PTTG1IP2: variants seen among roughly 807,000 people sequenced by gnomAD.
PTTG1IP2 encodes PTTG1IP family member 2.
At chr7:90,477,490 C>CT (rs1234427439) in intron 1 of PTTG1IP2, among the ~76,000 whole-genome samples, 1 of 152,176 alleles carries the variant, frequency 6.6e-6, no homozygotes, top group Non-Finnish European at 1.5e-5. Flanking sequence ...AGCCAAAACT[C>CT]TTTTTCCATC....
At chr7:90,496,397 T>C (rs933282757) in intron 6 of PTTG1IP2, among the ~76,000 whole-genome samples, 2 of 152,192 alleles carry the variant, frequency 1.3e-5, no homozygotes, top group Admixed American at 6.5e-5. Flanking sequence ...TAGGAATGTA[T>C]TCATTTCTTC....
chr7:90,505,148 G>T (rs1317358412), intron 6 of PTTG1IP2, among the ~76,000 whole-genome samples: 1 of 152,156 alleles, frequency 6.6e-6, no homozygotes. Flanking sequence ...TATTCAATAA[G>T]AACACATTTG....
At chr7:90,492,811 C>T (rs1055670986) in intron 5 of PTTG1IP2, among the ~76,000 whole-genome samples, 1 of 152,198 alleles carries the variant, frequency 6.6e-6, no homozygotes, top group African/African-American at 2.4e-5. Context: ...GGAATTCTTG[C>T]AGGCTTTCCC....
intron 6 of PTTG1IP2, among the ~76,000 whole-genome samples, chr7:90,505,203 T>G (rs1798109896): frequency 6.6e-6 from 1 of 152,238 alleles, no homozygotes; most frequent in African/African-American, 2.4e-5. Flanking sequence ...TTTAACCATA[T>G]TTGAAAAGGG....
chr7:90,508,247 C>A (rs564128873), intron 6 of PTTG1IP2, among the ~76,000 whole-genome samples: 3 of 130,400 alleles, frequency 2.3e-5, no homozygotes, highest in Non-Finnish European at 4.7e-5. Context: ...GTCTGGGCAA[C>A]AGTGAGAACT....
chr7:90,497,742 A>AAAAAAGAAG (rs1554407474), intron 6 of PTTG1IP2, among the ~76,000 whole-genome samples: 12 of 135,660 alleles, frequency 8.8e-5, no homozygotes, highest in Non-Finnish European at 1.5e-4. Context: ...AAAAAAAAAA[A>AAAAAAGAAG]AAGAAGAAGA....
At chr7:90,499,963 C>T (rs143132336) in intron 6 of PTTG1IP2, among the ~76,000 whole-genome samples, 23,574 of 151,994 alleles carry the variant, frequency 0.16, 1,983 homozygotes, top group Non-Finnish European at 0.17. Flanking sequence ...CCTATAATCC[C>T]AGCACTTTGG....
At chr7:90,488,111 A>G (rs1163643982) in intron 3 of PTTG1IP2, among the ~76,000 whole-genome samples, 1 of 152,134 alleles carries the variant, frequency 6.6e-6, no homozygotes, top group Admixed American at 6.5e-5. Context: ...GTTTCCTTAA[A>G]GAATTGAAAC....
At chr7:90,478,776 C>T (rs1451163466) in intron 1 of PTTG1IP2, among the ~76,000 whole-genome samples, 1 of 151,284 alleles carries the variant, frequency 6.6e-6, no homozygotes, top group Non-Finnish European at 1.5e-5. Context: ...AATGAAAATC[C>T]TCATTTGGGA....
chr7:90,498,670 C>T (rs1584698641), intron 6 of PTTG1IP2, among the ~76,000 whole-genome samples: 1 of 152,106 alleles, frequency 6.6e-6, no homozygotes, highest in African/African-American at 2.4e-5. Flanking sequence ...CATAAATTTC[C>T]ATTCACATTT....
At chr7:90,500,730 T>C (rs17865304) in intron 6 of PTTG1IP2, among the ~76,000 whole-genome samples, 7,911 of 152,282 alleles carry the variant, frequency 0.052, 501 homozygotes, top group East Asian at 0.16. Context: ...CATCATTAGA[T>C]GTGGGAGGCC....
chr7:90,497,257 T>G (rs949472709), intron 6 of PTTG1IP2, among the ~76,000 whole-genome samples: 2 of 151,944 alleles, frequency 1.3e-5, no homozygotes, highest in East Asian at 3.9e-4. Flanking sequence ...CAGAGCAAGA[T>G]CTCATCTCTA....
chr7:90,484,426 A>G (rs1797846336), intron 2 of PTTG1IP2, among the ~76,000 whole-genome samples: 1 of 152,154 alleles, frequency 6.6e-6, no homozygotes, highest in Admixed American at 6.5e-5. Context: ...AATGAGTACT[A>G]TAATTTTCCC....
At chr7:90,493,164 G>A (rs1797958239) in intron 5 of PTTG1IP2, among the ~76,000 whole-genome samples, 1 of 152,148 alleles carries the variant, frequency 6.6e-6, no homozygotes, top group African/African-American at 2.4e-5. Context: ...GGGGGCTTCA[G>A]ATTATTTTAG....
At chr7:90,483,277 C>T (rs960233685) in intron 2 of PTTG1IP2, among the ~76,000 whole-genome samples, 1 of 152,144 alleles carries the variant, frequency 6.6e-6, no homozygotes, top group African/African-American at 2.4e-5. Context: ...ATTTTAAGAC[C>T]ATCTGACAGG....
At chr7:90,494,478 C>G (rs1797971430) in intron 6 of PTTG1IP2, 48 bp downstream of exon 6, 1 of 152,110 alleles carries the variant, frequency 6.6e-6, no homozygotes, top group Non-Finnish European at 1.5e-5. Flanking sequence ...GCCATTTTCT[C>G]CGTTCTATTA....
chr7:90,474,716 C>T (rs1797727592), intron 1 of PTTG1IP2, among the ~76,000 whole-genome samples: 1 of 152,180 alleles, frequency 6.6e-6, no homozygotes, highest in Non-Finnish European at 1.5e-5. Context: ...AATCTGGCAG[C>T]ATGTCCCAGT....
chr7:90,482,357 A>G (rs932152676), intron 2 of PTTG1IP2, among the ~76,000 whole-genome samples: 1 of 152,146 alleles, frequency 6.6e-6, no homozygotes, highest in Non-Finnish European at 1.5e-5. Flanking sequence ...TCCAATTTGT[A>G]TGATAAATGA....
At chr7:90,507,178 T>C (rs544656277) in intron 6 of PTTG1IP2, among the ~76,000 whole-genome samples, 10 of 152,336 alleles carry the variant, frequency 6.6e-5, no homozygotes, top group African/African-American at 2.4e-4. Context: ...CAAAATACAG[T>C]GTAGGGATAA....
Sources: allele counts gnomAD v4.1 joint callset (sites outside exome capture counted in the v4.1 genomes callset), GRCh38; gene constraint gnomAD v4.1.1; transcripts MANE v1.5; gene names NCBI Gene and HGNC (gene_info 2026-07-23, HGNC 2026-07-21).